Variants in ETS1 observed in about 807,000 individuals in gnomAD.
ETS1 encodes the protein ETS proto-oncogene 1, transcription factor.
A neutral mutation model predicts 58.6 loss-of-function variants in ETS1; 15 were observed. That is an observed-to-expected ratio of 0.26 (90% confidence interval 0.17 to 0.39). The LOEUF is 0.39. Among genes scored for constraint, ETS1 ranks in the 10% least tolerant of loss-of-function variants. ETS1 has a pLI of 1.00. For synonymous variants in ETS1, 214 were observed against 218.2 expected, an observed-to-expected ratio of 0.98 and a Z score of 0.17; for missense variants, 417 against 610.5, an observed-to-expected ratio of 0.68 and a Z score of 3.34.
Position 128,480,295 on chromosome 11 carries a change from G to C in ETS1, c.1019C>G (p.Pro340Arg). The change falls in exon 8 of 10, where the codon CCC becomes CGC. Residue 340 changes from proline to arginine, a missense_variant. Around this residue, in one of 4 missense-constraint regions of ETS1, gnomAD observed 139 missense variants for 152.1 expected, o/e 0.91. Coordinates refer to ENST00000392668, the MANE Select transcript of ETS1 (RefSeq NM_001143820.2). ...GAAGGTGCCCTTGGGCTTGTGGTTG[G>C]GCAGGGCAGCCGGATAGTCCTCTGA... Reference protein sequence around the residue: ...FDSEDYPAALPNHKPKGTFKD... With the variant: ...FDSEDYPAALRNHKPKGTFKD... 6.2e-7 allele frequency: 1 copy of C among 1,614,150 alleles called. No homozygotes were observed. The highest frequency in any genetic ancestry group is 8.5e-7 in the Non-Finnish European group (1 of 1,180,026).
At chr11:128,538,747 TACACACATACAC>T (rs1864008737) in intron 3 of ETS1, among the ~76,000 whole-genome samples, 1 of 121,250 alleles carries the variant, frequency 8.2e-6, no homozygotes, top group Non-Finnish European at 1.6e-5. Flanking sequence ...CACACACACA[TACACACATACAC>T]ACACACACAC....
chr11:128,543,812 G>A (rs1046095822), intron 3 of ETS1, among the ~76,000 whole-genome samples: 4 of 152,160 alleles, frequency 2.6e-5, no homozygotes, highest in Non-Finnish European at 4.4e-5. Flanking sequence ...ATATTTGAGA[G>A]GAGAGGTAAT....
At chr11:128,514,768 A>G (rs1399793105) in intron 3 of ETS1, among the ~76,000 whole-genome samples, 1 of 152,218 alleles carries the variant, frequency 6.6e-6, no homozygotes, top group Admixed American at 6.5e-5. Context: ...AAATGACCAC[A>G]GGCAAGGAGT....
chr11:128,526,750 AG>A (rs1355773519), intron 3 of ETS1: 1 of 345,262 alleles, frequency 2.9e-6, no homozygotes, highest in Non-Finnish European at 5.7e-6. Flanking sequence ...GTCACAGAAA[AG>A]TGACAGTTTA....
At position 128,549,168 on chromosome 11, in the gene ETS1, C is replaced by CT. The variant is rs1864186379; in HGVS notation, c.214+7122dup. ...CGGCAGCTATAAACACAGTGAACAT[C>CT]TGGAGAGAGAGCCCGTGTCTCTAGG... On this transcript the variant is annotated intron_variant, in intron 3 of 9. Coordinates refer to ENST00000392668, the MANE Select transcript of ETS1 (RefSeq NM_001143820.2). This position sits in a 1 kb window ranked among gnomAD's most constrained non-coding sequence, Gnocchi z 4.3. Among the ~76,000 whole-genome samples the CT allele has an allele frequency of 6.6e-6, 1 of 152,224 alleles. No homozygotes were observed. Among genetic ancestry groups the CT allele is most frequent in the African/African-American group, 2.4e-5 (1 of 41,456 alleles).
At chr11:128,465,981 C>G (rs1228611681) in intron 8 of ETS1, among the ~76,000 whole-genome samples, 2 of 152,200 alleles carry the variant, frequency 1.3e-5, no homozygotes, top group Non-Finnish European at 2.9e-5. Flanking sequence ...TGCCCCTGGA[C>G]AGGACCAGGC....
chr11:128,486,236 T>C (rs976569205), intron 5 of ETS1, 90 bp from the exon 6 acceptor site: 19 of 768,054 alleles, frequency 2.5e-5, no homozygotes, highest in Non-Finnish European at 3.6e-5. Context: ...ACCACAATGA[T>C]CTCAACCCCT....
Position 128,561,166 on chromosome 11 carries a change from G to A in ETS1, c.70-4731C>T, listed in dbSNP as rs114810984. On this transcript the variant is annotated intron_variant, in intron 2 of 9. Coordinates refer to ENST00000392668, the MANE Select transcript of ETS1 (RefSeq NM_001143820.2). The stretch of plus-strand genomic sequence containing the variant: ...TAAGTAGTAAAACTTCAAGCCGGAG[G>A]GCAGGGTAAGACCACAGTGTAGAGA... Among the ~76,000 whole-genome samples, 648 of 152,276 alleles carry A rather than the reference G, an allele frequency of 4.3e-3. 4 individuals carry two copies. Among genetic ancestry groups the A allele is most frequent in the African/African-American group, 0.015 (625 of 41,560 alleles).
chr11:128,511,457 C>T (rs138056738), intron 3 of ETS1, among the ~76,000 whole-genome samples: 38 of 152,296 alleles, frequency 2.5e-4, no homozygotes, highest in African/African-American at 7.5e-4. Context: ...ACAATTTTGC[C>T]AGTGCCTTGG....
chr11:128,480,204 T>C lies in ETS1; in HGVS notation c.1110A>G (p.Leu370=). The change falls in exon 8 of 10, where the codon CTA becomes CTG. Residue 370 remains leucine, a synonymous_variant. Coordinates refer to ENST00000392668, the MANE Select transcript of ETS1 (RefSeq NM_001143820.2). ...KDKPVIPAAA[L]AGYTGSGPIQ... The stretch of plus-strand genomic sequence containing the variant: ...GAGGGCGCCTACCTGTGTAGCCAGC[T>C]AGGGCAGCAGCAGGAATGACAGGCT... 1 of 1,613,956 alleles carries C rather than the reference T, an allele frequency of 6.2e-7. No homozygotes were observed. The highest frequency in any genetic ancestry group is 8.5e-7 in the Non-Finnish European group (1 of 1,179,996).
At chr11:128,569,916 T>C (rs1489123699) in intron 2 of ETS1, among the ~76,000 whole-genome samples, 1 of 152,212 alleles carries the variant, frequency 6.6e-6, no homozygotes, top group African/African-American at 2.4e-5. Flanking sequence ...GTGAAAAGGA[T>C]CTCACATGTT....
In ETS1 at chr11:128,563,708, C is replaced by T. The variant is rs138479983; in HGVS notation, c.70-7273G>A. ...CTGTGACATACAATGTGCCCTTGAACTGCATGAAAGGTCTTACATTGTTTG... is the reference window on the plus strand; with the variant it reads ...CTGTGACATACAATGTGCCCTTGAATTGCATGAAAGGTCTTACATTGTTTG... On this transcript the variant is annotated intron_variant, in intron 2 of 9. Coordinates refer to ENST00000392668, the MANE Select transcript of ETS1 (RefSeq NM_001143820.2). Among the ~76,000 whole-genome samples the T allele has an allele frequency of 4.3e-3, 652 of 152,322 alleles. 3 individuals are homozygous for T. The highest frequency in any genetic ancestry group is 6.4e-3 in the Non-Finnish European group (434 of 68,032).
intron 3 of ETS1, among the ~76,000 whole-genome samples, chr11:128,492,800 T>C (rs1458007623): frequency 6.6e-5 from 10 of 152,240 alleles, no homozygotes; most frequent in African/African-American, 2.2e-4. Context: ...TCAGTTTTAC[T>C]TTAGAGAAAA....
chr11:128,579,691 A>C (rs973357805), intron 1 of ETS1, among the ~76,000 whole-genome samples: 1 of 151,844 alleles, frequency 6.6e-6, no homozygotes, highest in Non-Finnish European at 1.5e-5. Flanking sequence ...TTTGGTGTCC[A>C]AAACAACTAA....
chr11:128,524,478 C>T (rs1863762366), intron 3 of ETS1, among the ~76,000 whole-genome samples: 1 of 152,124 alleles, frequency 6.6e-6, no homozygotes, highest in African/African-American at 2.4e-5. Flanking sequence ...ATGCATCGAA[C>T]CCTGGATTTG....
chr11:128,500,755 A>G (rs1445906396), intron 3 of ETS1, among the ~76,000 whole-genome samples: 1 of 152,204 alleles, frequency 6.6e-6, no homozygotes, highest in Non-Finnish European at 1.5e-5. Flanking sequence ...ATTGGCAGCC[A>G]CAGGCACTGA....
At chr11:128,485,707 G>A (rs1022726926) in intron 6 of ETS1, among the ~76,000 whole-genome samples, 3 of 152,048 alleles carry the variant, frequency 2.0e-5, no homozygotes, top group Admixed American at 2.0e-4. Context: ...CTAGTAAAAA[G>A]GAAAGAACAA....
chr11:128,542,408 A>G (rs1016633421), intron 3 of ETS1, among the ~76,000 whole-genome samples: 2 of 152,124 alleles, frequency 1.3e-5, no homozygotes, highest in Admixed American at 6.6e-5. Context: ...ACTTTAGAAG[A>G]TTATTGGATT....
intron 2 of ETS1, among the ~76,000 whole-genome samples, 179 bp from the exon 3 acceptor site, chr11:128,556,614 C>T (rs117446178): frequency 4.6e-4 from 70 of 152,244 alleles, no homozygotes; most frequent in Non-Finnish European, 6.8e-4. Context: ...ACGCAGGGAA[C>T]GAGAAGAATT....
Sources: gnomAD v4.1 joint callset for allele counts (sites outside exome capture counted in the v4.1 genomes callset) on GRCh38, gnomAD v4.1.1 for gene constraint, gnomAD v4.1.1 regional missense constraint, Gnocchi (gnomAD v3.1) non-coding constraint, MANE v1.5 for transcripts, NCBI Gene and HGNC (gene_info 2026-07-23, HGNC 2026-07-21) for gene names.